Variants in SMARCA2 observed in about 807,000 individuals in gnomAD.
SMARCA2 encodes SWI/SNF-related matrix-associated actin-dependent regulator of chromatin subfamily A member 2.
Under a neutral mutation model 199.8 loss-of-function variants are expected in SMARCA2, and 61 were observed. The ratio of observed to expected loss-of-function variants is 0.31; its 90% CI spans 0.25 to 0.38. The LOEUF is 0.38. SMARCA2 is among the 10% of genes least tolerant of loss of function. The probability of loss-of-function intolerance (pLI) is 1.00; values close to 1 mark genes in which losing one functional copy is unlikely to be tolerated. For synonymous variants in SMARCA2, 935 were observed against 732.0 expected (o/e 1.28, Z -4.48); for missense variants, 1,344 against 2,012.2 (o/e 0.67, Z 6.35).
intron 21 of SMARCA2, among the ~76,000 whole-genome samples, chr9:2,099,587 T>C (rs928006349): frequency 1.3e-5 from 2 of 152,112 alleles, no homozygotes; most frequent in African/African-American, 4.8e-5. Flanking sequence ...CATATTGACA[T>C]TTTAAGTAGC....
chr9:2,101,637 TC>T, intron 22 of SMARCA2, 21 bp downstream of exon 22: 4 of 1,392,126 alleles, frequency 2.9e-6, no homozygotes, highest in Non-Finnish European at 4.0e-6. Context: ...AATTTTTTTT[TC>T]TTTTAAAAAA....
chr9:2,158,213 T>G, intron 27 of SMARCA2: 1 of 196,262 alleles, frequency 5.1e-6, no homozygotes, highest in Non-Finnish European at 9.9e-6. Context: ...GAAGGAGTAA[T>G]TCCCAGCTTC....
intron 27 of SMARCA2, chr9:2,157,758 A>T (rs1238381290): frequency 2.5e-6 from 1 of 395,316 alleles, no homozygotes; most frequent in Non-Finnish European, 4.5e-6. Flanking sequence ...TTACCTATTC[A>T]TAATCATGGA....
chr9:2,052,724 AT>A, intron 5 of SMARCA2, among the ~76,000 whole-genome samples: 1 of 152,248 alleles, frequency 6.6e-6, no homozygotes, highest in South Asian at 2.1e-4. Context: ...TTTTTAAAAA[AT>A]CACTCATTTT....
In SMARCA2 at chr9:2,169,331, G is replaced by A. The variant is rs981815246; in HGVS notation, c.4200-1088G>A. ...TTGTAACTTTAGAACTCTTCACAGC[G>A]GCCCCGTTGCCTACCCGATGATGAC... On this transcript the variant is annotated intron_variant, in intron 28 of 33. Transcript: ENST00000349721. The surrounding 1 kb of genome is among the most constrained non-coding windows in gnomAD (Gnocchi z 6.5). Among the ~76,000 whole-genome samples, 6 of 152,066 alleles carry A rather than the reference G, an allele frequency of 3.9e-5. No individual in the cohort carries two copies. The highest frequency in any genetic ancestry group is 1.5e-5 in the Non-Finnish European group (1 of 68,018).
In SMARCA2 at chr9:2,122,067, AT is replaced by A. The variant is rs562750104; in HGVS notation, c.3763-1650del. On this transcript the variant is annotated intron_variant, in intron 26 of 33. Transcript: ENST00000349721. Reference sequence around the variant, plus strand: ...GAAATCTCTAGGGAGAGATGCAGTTATTAAGACTTTAAGCTTATCTTATGTA... The same window carrying A: ...GAAATCTCTAGGGAGAGATGCAGTTATAAGACTTTAAGCTTATCTTATGTA... Among the ~76,000 whole-genome samples, 3 of 152,356 alleles carry A rather than the reference AT, an allele frequency of 2.0e-5. No homozygotes were observed. The South Asian group carries it at 6.2e-4, about 32-fold the overall frequency.
intron 5 of SMARCA2, among the ~76,000 whole-genome samples, chr9:2,053,033 G>GT (rs1275914327): frequency 1.3e-5 from 2 of 152,194 alleles, no homozygotes; most frequent in Non-Finnish European, 2.9e-5. Context: ...ACATGGGTAT[G>GT]TTGCATGATG....
chr9:2,182,478 CTTTTTTTTTTT>C (rs145095906), intron 31 of SMARCA2, among the ~76,000 whole-genome samples: 19 of 96,728 alleles, frequency 2.0e-4, no homozygotes, highest in Non-Finnish European at 3.0e-4. Flanking sequence ...AGCTTATAGT[CTTTTTTTTTTT>C]TTTTTTTTTT....
chr9:2,134,085 T>C (rs1824085835), intron 27 of SMARCA2, among the ~76,000 whole-genome samples: 1 of 152,198 alleles, frequency 6.6e-6, no homozygotes, highest in Non-Finnish European at 1.5e-5. Context: ...TATTAGCTAT[T>C]AAGAAAAAGT....
intron 27 of SMARCA2, among the ~76,000 whole-genome samples, chr9:2,137,668 C>G (rs939509836): frequency 6.6e-6 from 1 of 152,224 alleles, no homozygotes; most frequent in African/African-American, 2.4e-5. Flanking sequence ...TACTGTTCCT[C>G]TCCACTGGTA....
At chr9:2,106,545 A>G (rs1822763117) in intron 23 of SMARCA2, among the ~76,000 whole-genome samples, 2 of 152,234 alleles carry the variant, frequency 1.3e-5, no homozygotes, top group South Asian at 2.1e-4. Context: ...TGGACAAACA[A>G]TCAATATACA....
At chr9:2,148,803 C>A (rs990679008) in intron 27 of SMARCA2, among the ~76,000 whole-genome samples, 1 of 151,372 alleles carries the variant, frequency 6.6e-6, no homozygotes, top group Non-Finnish European at 1.5e-5. Context: ...GCCACGGTGC[C>A]CAGCTTGTTT....
intron 27 of SMARCA2, chr9:2,160,695 G>A: frequency 3.0e-6 from 2 of 662,534 alleles, no homozygotes; most frequent in Non-Finnish European, 5.5e-6. Context: ...AGGCAATATT[G>A]AGAGGCAGGA....
chr9:2,159,868 C>G, intron 27 of SMARCA2: 1 of 1,612,140 alleles, frequency 6.2e-7, no homozygotes, highest in African/African-American at 1.3e-5. Context: ...TTTATCCCCA[C>G]TAACTGTGAT....
rs564813932 is a variant in SMARCA2 at position 2,127,484 on chromosome 9, A to G, written c.3981+3547A>G. Among the ~76,000 whole-genome samples the G allele has an allele frequency of 4.6e-4, 70 of 152,284 alleles. No homozygotes were observed. The Middle Eastern group carries it at 0.017, about 37-fold the overall frequency. ...TGGTAGGTATACCTGATTGGTGAGGACAGCTGTTCTCCATAGGGTCATTCA... is the reference window on the plus strand; with the variant it reads ...TGGTAGGTATACCTGATTGGTGAGGGCAGCTGTTCTCCATAGGGTCATTCA... On this transcript the variant is annotated intron_variant, in intron 27 of 33. Transcript: ENST00000349721.
chr9:2,114,806 A>G (rs888483870), intron 24 of SMARCA2, among the ~76,000 whole-genome samples: 1 of 152,218 alleles, frequency 6.6e-6, no homozygotes, highest in Non-Finnish European at 1.5e-5. Flanking sequence ...AATAACACCT[A>G]TAATCTTATC....
chr9:2,050,703 T>C (rs560136798), intron 5 of SMARCA2, among the ~76,000 whole-genome samples: 23 of 152,196 alleles, frequency 1.5e-4, no homozygotes, highest in African/African-American at 5.1e-4. Context: ...AGTAGCTGCT[T>C]TACCAGCAGA....
intron 3 of SMARCA2, among the ~76,000 whole-genome samples, chr9:2,036,332 C>T (rs1819331832): frequency 1.3e-5 from 2 of 151,952 alleles, no homozygotes; most frequent in African/African-American, 4.8e-5. Context: ...CCCTTGAAGA[C>T]TAGGGAAAGA....
At chr9:2,068,544 CA>C (rs963226114) in intron 9 of SMARCA2, among the ~76,000 whole-genome samples, 8 of 152,222 alleles carry the variant, frequency 5.3e-5, no homozygotes, top group Admixed American at 3.9e-4. Flanking sequence ...GCTATTTTGT[CA>C]AAAGACAGTT....
Sources: gnomAD v4.1 joint callset for allele counts (sites outside exome capture counted in the v4.1 genomes callset) on GRCh38, gnomAD v4.1.1 for gene constraint, Gnocchi (gnomAD v3.1) non-coding constraint, MANE v1.5 for transcripts, NCBI Gene and HGNC (gene_info 2026-07-23, HGNC 2026-07-21) for gene names.